DLG2: variants seen among roughly 807,000 people sequenced by gnomAD.
DLG2 encodes the protein disks large homolog 2.
A neutral mutation model predicts 132.5 loss-of-function variants in DLG2; 45 were observed. That is an observed-to-expected ratio of 0.34 (90% CI 0.27 to 0.44). DLG2 has a LOEUF of 0.44. DLG2 is among the 20% of genes least tolerant of loss of function. The pLI is 1.00. For synonymous variants in DLG2, 424 were observed against 419.6 expected, an observed-to-expected ratio of 1.01 and a Z score of -0.13; for missense variants, 1,045 against 1,196.9, an observed-to-expected ratio of 0.87 and a Z score of 1.87.
At chr11:85,364,448 T>C (rs138895696) in intron 3 of DLG2, among the ~76,000 whole-genome samples, 4 of 152,330 alleles carry the variant, frequency 2.6e-5, no homozygotes, top group Non-Finnish European at 5.9e-5. Context: ...AGCTGCTTCG[T>C]CACTGTGGGT....
intron 7 of DLG2, among the ~76,000 whole-genome samples, chr11:84,418,776 T>C (rs935283715): frequency 2.0e-5 from 3 of 152,214 alleles, no homozygotes; most frequent in Non-Finnish European, 4.4e-5. Flanking sequence ...TTAGGTTCCC[T>C]AAAATGCTCT....
intron 7 of DLG2, among the ~76,000 whole-genome samples, chr11:84,335,764 G>A (rs80284965): frequency 0.022 from 3,417 of 152,200 alleles, 120 homozygotes; most frequent in African/African-American, 0.078. Context: ...TGAGGATAAT[G>A]ATGTTTACCT....
chr11:84,968,113 A>G (rs1473801250), intron 6 of DLG2, among the ~76,000 whole-genome samples: 1 of 152,158 alleles, frequency 6.6e-6, no homozygotes, highest in African/African-American at 2.4e-5. Flanking sequence ...TAAATATTCT[A>G]AATGTTCAAA....
chr11:84,070,123 G>T (rs527876660), intron 10 of DLG2, among the ~76,000 whole-genome samples: 1 of 152,242 alleles, frequency 6.6e-6, no homozygotes, highest in South Asian at 2.1e-4. Flanking sequence ...AAATTCAAGA[G>T]ATTTGTAACA....
chr11:85,365,509 G>A (rs1338864929), intron 3 of DLG2, among the ~76,000 whole-genome samples: 1 of 152,156 alleles, frequency 6.6e-6, no homozygotes, highest in Non-Finnish European at 1.5e-5. Flanking sequence ...TTCACACATT[G>A]TGGAAGACAT....
intron 15 of DLG2, among the ~76,000 whole-genome samples, chr11:83,885,428 C>A (rs906302884): frequency 2.6e-5 from 4 of 152,124 alleles, no homozygotes; most frequent in African/African-American, 9.7e-5. Flanking sequence ...AACAAAGCCT[C>A]CAAGAAATAT....
At chr11:84,661,845 T>C (rs1464745770) in intron 6 of DLG2, among the ~76,000 whole-genome samples, 3 of 152,144 alleles carry the variant, frequency 2.0e-5, no homozygotes, top group African/African-American at 7.2e-5. Flanking sequence ...TAAATGTTTA[T>C]ATATTGACCA....
chr11:85,408,986 A>G (rs2089056456), intron 3 of DLG2, among the ~76,000 whole-genome samples: 1 of 151,944 alleles, frequency 6.6e-6, no homozygotes, highest in Non-Finnish European at 1.5e-5. Context: ...CTGAGCTCTT[A>G]TGACAACTTA....
chr11:84,253,138 C>T (rs182286234), intron 7 of DLG2, among the ~76,000 whole-genome samples: 1 of 151,862 alleles, frequency 6.6e-6, no homozygotes, highest in East Asian at 1.9e-4. Context: ...TAAATAAAGA[C>T]TCTGGAGAAA....
At chr11:83,787,264 AT>A (rs1175289649) in intron 17 of DLG2, among the ~76,000 whole-genome samples, 1 of 150,130 alleles carries the variant, frequency 6.7e-6, no homozygotes, top group African/African-American at 2.5e-5. Flanking sequence ...TCTGTGGTCA[AT>A]TGTCTAGCCT....
At chr11:85,596,746 A>G (rs1034519552) in intron 3 of DLG2, among the ~76,000 whole-genome samples, 44 of 152,232 alleles carry the variant, frequency 2.9e-4, no homozygotes, top group African/African-American at 1.0e-3. Flanking sequence ...TATCCTTTAC[A>G]AAGATATAAA....
intron 3 of DLG2, among the ~76,000 whole-genome samples, chr11:85,342,197 A>C (rs1596369772): frequency 6.6e-6 from 1 of 152,232 alleles, no homozygotes; most frequent in African/African-American, 2.4e-5. Flanking sequence ...AATTTTTTAA[A>C]CATTTTTACT....
chr11:84,317,242 T>A (rs1599767356), intron 7 of DLG2: 1 of 1,511,168 alleles, frequency 6.6e-7, no homozygotes, highest in Non-Finnish European at 8.8e-7. Flanking sequence ...AAGTCTTTTT[T>A]CCACCGTGGA....
intron 7 of DLG2, among the ~76,000 whole-genome samples, chr11:84,257,938 C>T (rs1313889064): frequency 1.2e-4 from 18 of 152,124 alleles, no homozygotes; most frequent in African/African-American, 4.1e-4. Context: ...CCACCTGCCT[C>T]AGCCTCCCCA....
chr11:84,377,910 A>G (rs2098735514), intron 7 of DLG2, among the ~76,000 whole-genome samples: 1 of 152,320 alleles, frequency 6.6e-6, no homozygotes, highest in South Asian at 2.1e-4. Context: ...GTTAATCTAA[A>G]TGACCTTATA....
Position 85,627,322 on chromosome 11 carries a change from C to T in DLG2, c.-364G>A, listed in dbSNP as rs2082087591. The T allele has an allele frequency of 6.6e-6, 1 of 152,058 alleles. No individual in the cohort carries two copies. Among genetic ancestry groups the T allele is most frequent in the South Asian group, 2.1e-4 (1 of 4,820 alleles). 9.4% of individuals were successfully genotyped at this position (152,058 alleles called of 1,614,324 possible). A position where few individuals can be genotyped will look rare whatever the true frequency, so the allele number is the denominator to read the frequency against. On this transcript the variant is annotated 5_prime_UTR_variant, in exon 1 of 28. Coordinates refer to ENST00000376104, the MANE Select transcript of DLG2 (RefSeq NM_001142699.3). ...TTAATGCCCCTCTGATTCTGATCCT[C>T]CCATGTATTAACCGAGAGGATTGAA...
At chr11:85,059,981 A>G (rs2154158656) in intron 6 of DLG2, among the ~76,000 whole-genome samples, 1 of 151,598 alleles carries the variant, frequency 6.6e-6, no homozygotes, top group East Asian at 1.9e-4. Flanking sequence ...ACCCTCTTAA[A>G]TTTTTAAGTG....
intron 17 of DLG2, among the ~76,000 whole-genome samples, chr11:83,792,368 C>T (rs1594467209): frequency 6.6e-6 from 1 of 151,870 alleles, no homozygotes; most frequent in Non-Finnish European, 1.5e-5. Context: ...AATTGAATTG[C>T]CCAGATAGTG....
At chr11:84,425,321 T>G (rs1045660437) in intron 7 of DLG2, among the ~76,000 whole-genome samples, 14 of 152,110 alleles carry the variant, frequency 9.2e-5, no homozygotes, top group African/African-American at 3.4e-4. Flanking sequence ...TTTAAGAAAC[T>G]GGAGAATGGA....
Sources: allele counts gnomAD v4.1 joint callset (sites outside exome capture counted in the v4.1 genomes callset), GRCh38; gene constraint gnomAD v4.1.1; transcripts MANE v1.5; gene names NCBI Gene and HGNC (gene_info 2026-07-23, HGNC 2026-07-21).